The following ADARB2 variants were observed in gnomAD, a reference collection of about 807,000 sequenced individuals.
ADARB2 encodes the protein adenosine deaminase RNA specific B2 (inactive), also known as inactive double-stranded RNA-specific editase B2.
Under a neutral mutation model 62.2 loss-of-function variants are expected in ADARB2, and 25 were observed. The observed-to-expected ratio is 0.40, with a 90% CI of 0.29 to 0.56. The LOEUF is 0.56. Ranked by LOEUF, ADARB2 falls within the 20% of genes least tolerant of loss-of-function variation. The pLI, the probability that ADARB2 is intolerant of heterozygous loss-of-function variation, is 0.43. For synonymous variants in ADARB2, 572 were observed against 500.8 expected, an observed-to-expected ratio of 1.14 and a Z score of -1.90; for missense variants, 1,071 against 1,077.4, an observed-to-expected ratio of 0.99 and a Z score of 0.08.
At chr10:1,418,247 G>T (rs11250504) in intron 1 of ADARB2, among the ~76,000 whole-genome samples, 2,176 of 152,316 alleles carry the variant, frequency 0.014, 114 homozygotes, top group East Asian at 0.12. Context: ...TGTCTCCTTA[G>T]AATTTCAAGT....
At chr10:1,546,615 C>T (rs1832524348) in intron 1 of ADARB2, among the ~76,000 whole-genome samples, 1 of 152,240 alleles carries the variant, frequency 6.6e-6, no homozygotes, top group Non-Finnish European at 1.5e-5. Flanking sequence ...ACAAGAGTGC[C>T]ACCCTGTACC....
intron 1 of ADARB2, among the ~76,000 whole-genome samples, chr10:1,575,812 C>G (rs533474143): frequency 6.6e-6 from 1 of 152,152 alleles, no homozygotes; most frequent in African/African-American, 2.4e-5. Flanking sequence ...GTGCCAGGGT[C>G]GTTTCTGAAT....
At chr10:1,469,154 T>C (rs1229855778) in intron 1 of ADARB2, among the ~76,000 whole-genome samples, 2 of 152,040 alleles carry the variant, frequency 1.3e-5, no homozygotes, top group African/African-American at 4.8e-5. Context: ...GAGTCGTTTC[T>C]ATTAGAGATG....
chr10:1,732,848 A>G (rs1428640447), intron 1 of ADARB2, among the ~76,000 whole-genome samples: 3 of 152,240 alleles, frequency 2.0e-5, no homozygotes, highest in Non-Finnish European at 4.4e-5. Context: ...GGCGTCTGCC[A>G]TCCATCTGCT....
chr10:1,714,116 C>T (rs180822406), intron 1 of ADARB2, among the ~76,000 whole-genome samples: 25 of 152,310 alleles, frequency 1.6e-4, no homozygotes, highest in Non-Finnish European at 2.9e-4. Context: ...ACCAACCAAA[C>T]AAAAACCAAT....
chr10:1,374,657 G>A (rs112722191), intron 2 of ADARB2, among the ~76,000 whole-genome samples: 2,792 of 152,252 alleles, frequency 0.018, 38 homozygotes, highest in Middle Eastern at 0.037. Context: ...CAGAGCTCAG[G>A]CATCCTCTCC....
chr10:1,642,741 C>A (rs1253979854), intron 1 of ADARB2, among the ~76,000 whole-genome samples: 1 of 151,874 alleles, frequency 6.6e-6, no homozygotes, highest in Non-Finnish European at 1.5e-5. Context: ...AAACTCACAT[C>A]CACACTCACA....
chr10:1,232,502 G>T, intron 6 of ADARB2, among the ~76,000 whole-genome samples: 1 of 83,738 alleles, frequency 1.2e-5, no homozygotes, highest in East Asian at 0.011. Context: ...CTATGCATGT[G>T]TATGTGGTAT....
intron 1 of ADARB2, among the ~76,000 whole-genome samples, chr10:1,662,899 A>G (rs145486702): frequency 6.2e-4 from 94 of 152,328 alleles, no homozygotes; most frequent in African/African-American, 2.2e-3. Context: ...TACGGACCAG[A>G]CATTTGTACA....
intron 4 of ADARB2, among the ~76,000 whole-genome samples, chr10:1,266,240 T>C (rs114210473): frequency 0.011 from 1,637 of 152,268 alleles, 30 homozygotes; most frequent in African/African-American, 0.037. Flanking sequence ...AGAGAGCAGC[T>C]GTCTTCGAGG....
intron 1 of ADARB2, among the ~76,000 whole-genome samples, chr10:1,542,746 G>A (rs549468015): frequency 1.7e-5 from 1 of 58,278 alleles, no homozygotes. Flanking sequence ...TTCGGACCCC[G>A]GATCACAGCC....
chr10:1,523,816 T>C (rs1393257716), intron 1 of ADARB2, among the ~76,000 whole-genome samples: 1 of 152,234 alleles, frequency 6.6e-6, no homozygotes, highest in African/African-American at 2.4e-5. Flanking sequence ...TTCTAATCTG[T>C]CATCCTTTTA....
chr10:1,266,212 A>C (rs962442704), intron 4 of ADARB2, among the ~76,000 whole-genome samples: 2 of 152,222 alleles, frequency 1.3e-5, no homozygotes, highest in Admixed American at 6.5e-5. Context: ...GAATGAGAAC[A>C]AAGCTTCCCA....
intron 1 of ADARB2, among the ~76,000 whole-genome samples, chr10:1,491,050 CT>C (rs1173901055): frequency 6.6e-6 from 1 of 152,078 alleles, no homozygotes; most frequent in Non-Finnish European, 1.5e-5. Flanking sequence ...TTTATAATTT[CT>C]TTTTGTTTAT....
chr10:1,663,681 G>A (rs1196942839), intron 1 of ADARB2, among the ~76,000 whole-genome samples: 3 of 151,694 alleles, frequency 2.0e-5, no homozygotes, highest in African/African-American at 4.8e-5. Flanking sequence ...GTGCAGTGAC[G>A]TGATCTCGGC....
At chr10:1,584,297 C>T (rs1833145658) in intron 1 of ADARB2, among the ~76,000 whole-genome samples, 1 of 152,082 alleles carries the variant, frequency 6.6e-6, no homozygotes, top group African/African-American at 2.4e-5. Context: ...TAACTGATAC[C>T]ACGCCAAAGA....
chr10:1,332,416 A>AG (rs1434010350), intron 3 of ADARB2, among the ~76,000 whole-genome samples: 1 of 136,514 alleles, frequency 7.3e-6, no homozygotes, highest in Non-Finnish European at 1.6e-5. Flanking sequence ...ACCTTGTCTC[A>AG]GAAAAAAAAA....
At chr10:1,267,684 GT>G (rs1831218966) in intron 4 of ADARB2, among the ~76,000 whole-genome samples, 1 of 152,208 alleles carries the variant, frequency 6.6e-6, no homozygotes, top group Non-Finnish European at 1.5e-5. Context: ...ATATAAGCAA[GT>G]CTAGCAACAC....
intron 3 of ADARB2, among the ~76,000 whole-genome samples, chr10:1,320,551 G>A (rs1184506219): frequency 1.3e-5 from 2 of 152,198 alleles, no homozygotes; most frequent in Non-Finnish European, 2.9e-5. Flanking sequence ...GGACCATGGT[G>A]TATCAGATAG....
Sources: allele counts gnomAD v4.1 joint callset (sites outside exome capture counted in the v4.1 genomes callset), GRCh38; gene constraint gnomAD v4.1.1; transcripts MANE v1.5; gene names NCBI Gene and HGNC (gene_info 2026-07-23, HGNC 2026-07-21).